FRAS1: variants seen among roughly 807,000 people sequenced by gnomAD.
FRAS1 encodes the protein Fraser extracellular matrix complex subunit 1.
In FRAS1, 290 loss-of-function variants were observed where a neutral mutation model predicts 435.2. The observed-to-expected ratio is 0.67, with a 90% CI of 0.61 to 0.73. FRAS1 has a LOEUF of 0.73. FRAS1 is among the 30% of genes least tolerant of loss of function. FRAS1 has a pLI of 0.00. For missense variants in FRAS1, 4,860 were observed against 5,001.5 expected, an observed-to-expected ratio of 0.97 and a Z score of 0.85; for synonymous variants, 1,800 against 1,851.0, an observed-to-expected ratio of 0.97 and a Z score of 0.71.
intron 4 of FRAS1, among the ~76,000 whole-genome samples, chr4:78,247,862 C>A (rs1219351687): frequency 6.6e-6 from 1 of 152,124 alleles, no homozygotes. Flanking sequence ...GAAGTGGAAG[C>A]TTTCCCCTAA....
Position 78,438,979 on chromosome 4 carries a change from A to G in FRAS1, c.5444A>G (p.Asn1815Ser). Residue 1815 changes from asparagine to serine, a missense_variant, in exon 40 of 74, where the codon AAC becomes AGC. Asn to Ser is a conservative substitution (Grantham distance 46). Coordinates refer to ENST00000512123, the MANE Select transcript of FRAS1 (RefSeq NM_025074.7). The part of the protein sequence containing the change: ...FYFSVSDMDH[N>S]HLDNQIFTIM... Reference sequence around the variant, plus strand: ...TTCTCTGTCTCTGACATGGACCACAACCATCTGGATAATCAGATATTTACC... The same window carrying G: ...TTCTCTGTCTCTGACATGGACCACAGCCATCTGGATAATCAGATATTTACC... 6.2e-7 allele frequency: 1 copy of G among 1,613,482 alleles called. No individual in the cohort carries two copies. Among genetic ancestry groups the G allele is most frequent in the Non-Finnish European group, 8.5e-7 (1 of 1,179,574 alleles).
intron 2 of FRAS1, among the ~76,000 whole-genome samples, chr4:78,082,055 T>A (rs1177211884): frequency 6.6e-6 from 1 of 152,116 alleles, no homozygotes; most frequent in Admixed American, 6.6e-5. Context: ...ATATCTAACA[T>A]TTTTTATCAA....
At chr4:78,495,459 T>A (rs1403278270) in intron 59 of FRAS1, among the ~76,000 whole-genome samples, 2 of 152,168 alleles carry the variant, frequency 1.3e-5, no homozygotes, top group Non-Finnish European at 2.9e-5. Flanking sequence ...AGCTTCCTTC[T>A]TTGGGGCACT....
At chr4:78,230,338 G>A (rs2110107027) in intron 2 of FRAS1, among the ~76,000 whole-genome samples, 1 of 152,328 alleles carries the variant, frequency 6.6e-6, no homozygotes, top group Non-Finnish European at 1.5e-5. Context: ...CTCCTGAAAG[G>A]AGATAATTTA....
At chr4:78,407,927 T>C (rs746249051) in intron 31 of FRAS1, 86 bp downstream of exon 31, 6 of 1,217,578 alleles carry the variant, frequency 4.9e-6, no homozygotes, top group Non-Finnish European at 5.6e-6. Context: ...AGTAATTTTC[T>C]GCAGTTGACA....
intron 2 of FRAS1, among the ~76,000 whole-genome samples, 166 bp downstream of exon 2, chr4:78,066,182 C>A (rs1450231634): frequency 1.3e-5 from 2 of 152,128 alleles, no homozygotes; most frequent in African/African-American, 2.4e-5. Flanking sequence ...TTATTTAATA[C>A]CTTTTCCAGA....
Position 78,375,893 on chromosome 4 carries a change from C to T in FRAS1, c.3292+14C>T, listed in dbSNP as rs751204560. 1 of 1,613,472 alleles carries T rather than the reference C, an allele frequency of 6.2e-7. No homozygotes were observed. Among genetic ancestry groups the T allele is most frequent in the Non-Finnish European group, 8.5e-7 (1 of 1,179,564 alleles). ...AAACATGTTCTGGTAAGTGCTTCTCCTCAGATGGTCTGGTGAATTTACCAA... is the reference window on the plus strand; with the variant it reads ...AAACATGTTCTGGTAAGTGCTTCTCTTCAGATGGTCTGGTGAATTTACCAA... On this transcript the variant is annotated intron_variant, in intron 26 of 73. Coordinates refer to ENST00000512123, the MANE Select transcript of FRAS1 (RefSeq NM_025074.7).
rs778346452 is a variant in FRAS1, at chr4:78,502,088, G to T, written c.9316+2167G>T. Among the ~76,000 whole-genome samples the T allele has an allele frequency of 2.0e-5, 3 of 152,092 alleles. No homozygotes were observed. In the East Asian group the frequency reaches 5.8e-4, roughly 29 times the overall value. Reference sequence around the variant, plus strand: ...TTCCATGGGTCTACATATCTCTTTTGGTACCAGTACCATGCTGTTTTGGTT... The same window carrying T: ...TTCCATGGGTCTACATATCTCTTTTTGTACCAGTACCATGCTGTTTTGGTT... On this transcript the variant is annotated intron_variant, in intron 61 of 73. Coordinates refer to ENST00000512123, the MANE Select transcript of FRAS1 (RefSeq NM_025074.7).
At chr4:78,380,764 CAGTG>C (rs1372140929) in intron 27 of FRAS1, among the ~76,000 whole-genome samples, 1 of 152,160 alleles carries the variant, frequency 6.6e-6, no homozygotes, top group African/African-American at 2.4e-5. Flanking sequence ...GACAAGGACA[CAGTG>C]AGTATTTTTA....
At chr4:78,539,201 T>C in intron 72 of FRAS1, 93 bp from the exon 73 acceptor site, 2 of 1,224,460 alleles carry the variant, frequency 1.6e-6, no homozygotes, top group Admixed American at 2.2e-5. Flanking sequence ...AAGCCAGGAG[T>C]GATGAGTACT....
chr4:78,455,947 C>T (rs1293161422), intron 47 of FRAS1, among the ~76,000 whole-genome samples: 1 of 152,100 alleles, frequency 6.6e-6, no homozygotes, highest in Non-Finnish European at 1.5e-5. Context: ...TGTTTTCTCT[C>T]AGAGTAATCC....
chr4:78,070,255 G>GTA (rs34910696), intron 2 of FRAS1, among the ~76,000 whole-genome samples: 63 of 148,680 alleles, frequency 4.2e-4, no homozygotes, highest in East Asian at 1.4e-3. Flanking sequence ...GTATATAAGT[G>GTA]TATATATATA....
chr4:78,464,497 G>C lies in FRAS1; in HGVS notation c.6943G>C (p.Val2315Leu). The C allele has an allele frequency of 6.2e-7, 1 of 1,613,940 alleles. No individual in the cohort carries two copies. Among genetic ancestry groups the C allele is most frequent in the Non-Finnish European group, 8.5e-7 (1 of 1,179,850 alleles). ...LHPVDDSLPV[V>L]QNLGMRVQEG... ...CCCTGTCGATGATTCGCTGCCCGTC[G>C]TACAGAACTTAGGAATGCGGGTGCA... The change falls in exon 49 of 74, where the codon GTA becomes CTA. Residue 2315 changes from valine (V) to leucine (L), a missense_variant. Physicochemically the swap from Val to Leu is conservative, Grantham distance 32. Coordinates refer to ENST00000512123, the MANE Select transcript of FRAS1 (RefSeq NM_025074.7).
chr4:78,540,968 G>T lies in FRAS1; in HGVS notation c.11883G>T (p.Arg3961=), dbSNP rs759669833. The T allele has an allele frequency of 1.6e-5, 26 of 1,613,700 alleles. No individual in the cohort carries two copies. The highest frequency in any genetic ancestry group is 2.0e-5 in the Non-Finnish European group (24 of 1,179,760). Residue 3961 remains arginine, a synonymous_variant, in exon 74 of 74, where the codon CGG becomes CGT. Coordinates refer to ENST00000512123, the MANE Select transcript of FRAS1 (RefSeq NM_025074.7). ...AAGTGCCCAAGAGGCACCCGGACCG[G>T]GTGGAGAAGAACGTGAATAGACACT... The part of the protein sequence containing the change: ...KVEVPKRHPD[R]VEKNVNRHYC...
intron 2 of FRAS1, among the ~76,000 whole-genome samples, chr4:78,067,779 T>A (rs1368304221): frequency 6.7e-6 from 1 of 150,010 alleles, no homozygotes; most frequent in East Asian, 1.9e-4. Context: ...CTGCAACCTC[T>A]GCCTCTAGGG....
rs1727486324 is a variant in FRAS1 at position 78,284,494 on chromosome 4, T to A, written c.1345T>A (p.Trp449Arg). The A allele has an allele frequency of 6.2e-7, 1 of 1,613,726 alleles. No individual in the cohort carries two copies. Among genetic ancestry groups the A allele is most frequent in the Non-Finnish European group, 8.5e-7 (1 of 1,179,858 alleles). The change falls in exon 13 of 74, where the codon TGG (tryptophan) becomes AGG (arginine). Residue 449 changes from tryptophan (W) to arginine (R), a missense_variant. Physicochemically the swap from Trp to Arg is moderately radical, Grantham distance 101. Coordinates refer to ENST00000512123, the MANE Select transcript of FRAS1 (RefSeq NM_025074.7). ...TCCTACCAAGTTACTGCAGAATGGA[T>A]GGTGTGTGCACAGCTGTGGACTGGG... is the stretch of plus-strand genomic sequence containing the variant. Reference protein sequence around the residue: ...QDPTKLLQNGWCVHSCGLGFY... With the variant: ...QDPTKLLQNGRCVHSCGLGFY...
At chr4:78,367,724 G>A (rs1731333550) in intron 22 of FRAS1, among the ~76,000 whole-genome samples, 1 of 151,976 alleles carries the variant, frequency 6.6e-6, no homozygotes, top group African/African-American at 2.4e-5. Flanking sequence ...ATAAATGCGG[G>A]ACTTTTCTTA....
intron 2 of FRAS1, among the ~76,000 whole-genome samples, chr4:78,211,142 G>A (rs1245872332): frequency 6.6e-6 from 1 of 152,114 alleles, no homozygotes; most frequent in Non-Finnish European, 1.5e-5. Flanking sequence ...TATAGATGTC[G>A]GGGCAAGGGT....
chr4:78,390,225 T>G (rs1390969211), intron 29 of FRAS1, among the ~76,000 whole-genome samples: 1 of 152,228 alleles, frequency 6.6e-6, no homozygotes, highest in Non-Finnish European at 1.5e-5. Flanking sequence ...CTATGGGACC[T>G]TAATTTTTCT....
Sources: gnomAD v4.1 joint callset for allele counts (sites outside exome capture counted in the v4.1 genomes callset) on GRCh38, gnomAD v4.1.1 for gene constraint, MANE v1.5 for transcripts, NCBI Gene and HGNC (gene_info 2026-07-23, HGNC 2026-07-21) for gene names.